The following SUCLG2 variants were observed in gnomAD, a reference collection of about 807,000 sequenced individuals.
SUCLG2 encodes the protein succinate-CoA ligase GDP-forming subunit beta, also known as succinate--CoA ligase [GDP-forming] subunit beta, mitochondrial.
Under a neutral mutation model 47.9 loss-of-function variants are expected in SUCLG2, and 42 were observed. The ratio of observed to expected loss-of-function variants is 0.88; its 90% CI spans 0.69 to 1.14. SUCLG2 has a LOEUF of 1.14. SUCLG2 is among the 50% of genes most tolerant of loss of function. The pLI is 0.00. For synonymous variants in SUCLG2, 195 were observed against 197.3 expected (o/e 0.99, Z 0.10); for missense variants, 571 against 525.9 (o/e 1.09, Z -0.84).
downstream of SUCLG2, among the ~76,000 whole-genome samples, chr3:67,371,125 T>C (rs1701947733): frequency 6.6e-6 from 1 of 152,200 alleles, no homozygotes; most frequent in Admixed American, 6.6e-5. Flanking sequence ...ACTTTCATTT[T>C]TTTCTTCCCT....
At chr3:67,577,451 A>G (rs934682639) in intron 2 of SUCLG2, among the ~76,000 whole-genome samples, 4 of 152,070 alleles carry the variant, frequency 2.6e-5, no homozygotes, top group African/African-American at 9.7e-5. Flanking sequence ...AGCTAGAGAG[A>G]AAAAAAACGA....
At chr3:67,507,294 A>G (rs1398976978) in intron 7 of SUCLG2, among the ~76,000 whole-genome samples, 2 of 152,200 alleles carry the variant, frequency 1.3e-5, no homozygotes, top group African/African-American at 2.4e-5. Flanking sequence ...ATCATGAAAT[A>G]TATTATCTTC....
intron 1 of SUCLG2, among the ~76,000 whole-genome samples, chr3:67,650,312 TA>T (rs1347061806): frequency 6.6e-6 from 1 of 152,206 alleles, no homozygotes; most frequent in Non-Finnish European, 1.5e-5. Flanking sequence ...CCCACTTCCG[TA>T]AAGGCAGAAA....
intron 9 of SUCLG2, among the ~76,000 whole-genome samples, chr3:67,430,607 A>C (rs192484517): frequency 0.014 from 2,185 of 152,328 alleles, 55 homozygotes; most frequent in African/African-American, 0.05. Context: ...AGATCAGAGC[A>C]GAACTGAAGG....
chr3:67,624,860 G>C (rs1462557443), intron 1 of SUCLG2, among the ~76,000 whole-genome samples: 4 of 152,200 alleles, frequency 2.6e-5, no homozygotes, highest in African/African-American at 9.6e-5. Flanking sequence ...ACACTGTCCA[G>C]GAAATGTGTG....
intron 10 of SUCLG2, among the ~76,000 whole-genome samples, chr3:67,399,443 T>C (rs1702633733): frequency 6.6e-6 from 1 of 152,204 alleles, no homozygotes; most frequent in African/African-American, 2.4e-5. Context: ...TTTTCTTAAA[T>C]ATGAGTGAAG....
chr3:67,382,593 T>C (rs1043255728), intron 10 of SUCLG2, among the ~76,000 whole-genome samples: 2 of 152,176 alleles, frequency 1.3e-5, no homozygotes, highest in African/African-American at 4.8e-5. Context: ...CATTTTCAAA[T>C]AGCTGGGAGG....
chr3:67,549,658 A>C (rs1351209302), intron 2 of SUCLG2, among the ~76,000 whole-genome samples: 8 of 152,172 alleles, frequency 5.3e-5, no homozygotes, highest in Admixed American at 5.2e-4. Flanking sequence ...ATTTAAATAA[A>C]AGATGTTTCT....
chr3:67,646,715 A>T (rs1388292183), intron 1 of SUCLG2, among the ~76,000 whole-genome samples: 1 of 152,168 alleles, frequency 6.6e-6, no homozygotes, highest in Non-Finnish European at 1.5e-5. Flanking sequence ...AAAGCTATGG[A>T]GTGCTGAAGG....
At chr3:67,444,188 C>A (rs1703861512) in intron 9 of SUCLG2, among the ~76,000 whole-genome samples, 1 of 50,562 alleles carries the variant, frequency 2.0e-5, no homozygotes, top group African/African-American at 6.9e-5. Flanking sequence ...CGGCCAGCCG[C>A]CCCGTCCGGG....
intron 10 of SUCLG2, 54 bp from the exon 11 acceptor site, chr3:67,375,913 G>T: frequency 1.3e-6 from 2 of 1,583,146 alleles, no homozygotes; most frequent in Non-Finnish European, 1.7e-6. Flanking sequence ...GGCGCCTTAT[G>T]AAGTTTGCAC....
chr3:67,444,628 G>A (rs796100682), intron 9 of SUCLG2, among the ~76,000 whole-genome samples: 1 of 7,654 alleles, frequency 1.3e-4, no homozygotes, highest in Non-Finnish European at 2.3e-4. Flanking sequence ...CGCCCTGTCC[G>A]GGAGGGAGGT....
At chr3:67,475,801 A>G (rs1205123998) in intron 9 of SUCLG2, among the ~76,000 whole-genome samples, 3 of 149,046 alleles carry the variant, frequency 2.0e-5, no homozygotes. Context: ...TGATCCTCCC[A>G]CCTCGGCCTC....
intron 10 of SUCLG2, among the ~76,000 whole-genome samples, chr3:67,380,756 A>G (rs1353801814): frequency 6.6e-6 from 1 of 152,128 alleles, no homozygotes; most frequent in African/African-American, 2.4e-5. Context: ...GTCATGGGGA[A>G]TAGCTCAAAA....
chr3:67,433,468 G>A (rs536363663), intron 9 of SUCLG2, among the ~76,000 whole-genome samples: 18 of 152,128 alleles, frequency 1.2e-4, no homozygotes, highest in South Asian at 1.0e-3. Flanking sequence ...AGGTGCGCAC[G>A]GTGGGTGTGG....
rs189854934 is a variant in SUCLG2 at position 67,432,594 on chromosome 3, C to G, written c.1063-31743G>C. Among the ~76,000 whole-genome samples, 3 of 152,298 alleles carry G rather than the reference C, an allele frequency of 2.0e-5. No homozygotes were observed. In the East Asian group the frequency reaches 5.8e-4, roughly 29 times the overall value. On this transcript the variant is annotated intron_variant, in intron 9 of 10. Transcript: ENST00000307227. ...TTACACCTGGTAAAATCCTGCCTAT[C>G]CTTAGAAGCTTCATTTAAGATTCTT... is the stretch of plus-strand genomic sequence containing the variant.
chr3:67,575,655 T>G (rs1290169154), intron 2 of SUCLG2, among the ~76,000 whole-genome samples: 2 of 152,148 alleles, frequency 1.3e-5, no homozygotes, highest in Non-Finnish European at 2.9e-5. Flanking sequence ...ACACTTGAAA[T>G]GGGTAAATTA....
chr3:67,532,893 T>C (rs115153958), intron 2 of SUCLG2, among the ~76,000 whole-genome samples: 237 of 152,326 alleles, frequency 1.6e-3, no homozygotes, highest in African/African-American at 5.5e-3. Flanking sequence ...CTAATTATAA[T>C]GCAGTTTTAT....
chr3:67,404,457 G>C (rs890928899), intron 9 of SUCLG2, among the ~76,000 whole-genome samples: 2 of 151,580 alleles, frequency 1.3e-5, no homozygotes, highest in African/African-American at 2.4e-5. Flanking sequence ...GAGGAAGACA[G>C]GAACAGAAAG....
Sources: allele counts gnomAD v4.1 joint callset (sites outside exome capture counted in the v4.1 genomes callset), GRCh38; gene constraint gnomAD v4.1.1; transcripts MANE v1.5; gene names NCBI Gene and HGNC (gene_info 2026-07-23, HGNC 2026-07-21).